DNM3: variants seen among roughly 807,000 people sequenced by gnomAD.
DNM3 encodes the protein dynamin-3.
Under a neutral mutation model 101.6 loss-of-function variants are expected in DNM3, and 47 were observed. The ratio of observed to expected loss-of-function variants is 0.46; its 90% confidence interval spans 0.37 to 0.59. DNM3 has a LOEUF of 0.59. Among genes scored for constraint, DNM3 ranks in the 20% least tolerant of loss-of-function variants. The pLI, the probability that DNM3 is intolerant of heterozygous loss-of-function variation, is 0.00. For missense variants in DNM3, 849 were observed against 1,085.7 expected, an observed-to-expected ratio of 0.78 and a Z score of 3.06; for synonymous variants, 385 against 387.9, an observed-to-expected ratio of 0.99 and a Z score of 0.09.
intron 12 of DNM3, among the ~76,000 whole-genome samples, chr1:172,082,443 C>T (rs529008642): frequency 5.6e-4 from 85 of 151,530 alleles, no homozygotes; most frequent in African/African-American, 1.9e-3. Context: ...ATCATGCAAA[C>T]GTTATGGTTA....
chr1:172,342,890 C>G (rs1202104055), intron 17 of DNM3, among the ~76,000 whole-genome samples: 2 of 151,658 alleles, frequency 1.3e-5, no homozygotes, highest in African/African-American at 4.8e-5. Context: ...TTTTTCTTAC[C>G]TTTTTTGAGG....
chr1:171,945,374 C>T (rs939273299), intron 2 of DNM3, among the ~76,000 whole-genome samples: 4 of 151,998 alleles, frequency 2.6e-5, no homozygotes, highest in African/African-American at 4.8e-5. Flanking sequence ...AACAGTTAAC[C>T]ATTGGAAAAA....
chr1:172,417,513 C>T, downstream of DNM3, among the ~76,000 whole-genome samples: 1 of 152,156 alleles, frequency 6.6e-6, no homozygotes, highest in East Asian at 1.9e-4. Flanking sequence ...AAAGATCCAG[C>T]AGACCAGATT....
intron 10 of DNM3, among the ~76,000 whole-genome samples, chr1:172,067,959 G>T (rs2051826681): frequency 6.6e-6 from 1 of 152,176 alleles, no homozygotes. Context: ...TTGGAATCCT[G>T]AACCAACCAT....
chr1:172,038,815 A>G (rs977672292), intron 7 of DNM3, among the ~76,000 whole-genome samples: 2 of 152,136 alleles, frequency 1.3e-5, no homozygotes, highest in African/African-American at 4.8e-5. Flanking sequence ...AGCTGTTTCT[A>G]TGGATGTCAA....
At chr1:172,115,169 A>T (rs2055800997) in intron 13 of DNM3, among the ~76,000 whole-genome samples, 1 of 152,148 alleles carries the variant, frequency 6.6e-6, no homozygotes, top group Admixed American at 6.5e-5. Flanking sequence ...GGTGCTGGAG[A>T]TAGAAAGGTG....
intron 15 of DNM3, among the ~76,000 whole-genome samples, chr1:172,297,406 C>A (rs1313721636): frequency 6.6e-6 from 1 of 152,064 alleles, no homozygotes; most frequent in Non-Finnish European, 1.5e-5. Flanking sequence ...CATTTCCCCC[C>A]TTAATTAGGA....
At chr1:171,974,820 G>T (rs1353192426) in intron 2 of DNM3, among the ~76,000 whole-genome samples, 1 of 145,262 alleles carries the variant, frequency 6.9e-6, no homozygotes, top group Non-Finnish European at 1.6e-5. Flanking sequence ...GACAACCTTT[G>T]GTTCTTCTTT....
intron 14 of DNM3, chr1:172,144,684 C>G (rs751904243): frequency 6.1e-5 from 31 of 510,608 alleles, no homozygotes; most frequent in South Asian, 4.6e-4. Flanking sequence ...TCAGGAAAAG[C>G]CTCCCTTCCT....
chr1:171,853,961 G>C (rs949751805), intron 1 of DNM3, among the ~76,000 whole-genome samples: 15 of 152,038 alleles, frequency 9.9e-5, no homozygotes, highest in Non-Finnish European at 2.1e-4. Flanking sequence ...CATCTTTTCT[G>C]TGTATGCAAT....
chr1:172,327,106 A>G (rs1242347317), intron 17 of DNM3, among the ~76,000 whole-genome samples: 1 of 152,172 alleles, frequency 6.6e-6, no homozygotes, highest in Non-Finnish European at 1.5e-5. Flanking sequence ...AAAATTTTAT[A>G]CATATTGGAG....
rs193169156 is a variant in DNM3, at chr1:172,069,031, A to G, written c.1422+126A>G. ...GAAAAAAAAATAGTGGAACACAACTACATTATGTTTATTTTTACTTATTTA... is the reference window on the plus strand; with the variant it reads ...GAAAAAAAAATAGTGGAACACAACTGCATTATGTTTATTTTTACTTATTTA... On this transcript the variant is annotated intron_variant, in intron 11 of 20. Transcript: ENST00000627582. 274 of 669,528 alleles carry G rather than the reference A, an allele frequency of 4.1e-4. No individual in the cohort carries two copies. The African/African-American group carries it at 4.4e-3, about 11-fold the overall frequency. 41.5% of individuals were successfully genotyped at this position (669,528 alleles called of 1,614,324 possible).
intron 4 of DNM3, among the ~76,000 whole-genome samples, chr1:172,031,596 G>T (rs1007935843): frequency 8.5e-5 from 13 of 152,080 alleles, no homozygotes; most frequent in African/African-American, 3.1e-4. Context: ...AAATTACTAG[G>T]CAAATACTGT....
chr1:172,207,955 T>TA (rs1167469218), intron 14 of DNM3, among the ~76,000 whole-genome samples: 1 of 152,120 alleles, frequency 6.6e-6, no homozygotes. Context: ...ATTTCTTTTT[T>TA]AAAAAACTGC....
intron 14 of DNM3, among the ~76,000 whole-genome samples, chr1:172,219,933 G>A (rs2060847362): frequency 6.6e-6 from 1 of 152,122 alleles, no homozygotes; most frequent in African/African-American, 2.4e-5. Flanking sequence ...ATACACATGA[G>A]CAGGGAATTT....
chr1:172,053,824 T>C lies in DNM3; in HGVS notation c.1335+5074T>C, dbSNP rs575661999. The stretch of plus-strand genomic sequence containing the variant: ...TTAGGTATACTTTCAATATCTTTTA[T>C]TTAAAAACTGGTCTAATTAAAATAT... On this transcript the variant is annotated intron_variant, in intron 10 of 20. Transcript: ENST00000627582. 2.6e-5 allele frequency among the ~76,000 whole-genome samples: 4 copies of C among 152,312 alleles called. No individual in the cohort carries two copies. In the East Asian group the frequency reaches 7.7e-4, roughly 29 times the overall value.
At chr1:172,288,573 A>T (rs550207183) in intron 15 of DNM3, among the ~76,000 whole-genome samples, 1 of 152,306 alleles carries the variant, frequency 6.6e-6, no homozygotes, top group East Asian at 1.9e-4. Flanking sequence ...TGTAATACAG[A>T]TAAGAGGTGA....
At chr1:172,206,566 A>C (rs1007764898) in intron 14 of DNM3, among the ~76,000 whole-genome samples, 1 of 152,106 alleles carries the variant, frequency 6.6e-6, no homozygotes, top group African/African-American at 2.4e-5. Flanking sequence ...GCATTGAAGA[A>C]CACCACTGCA....
intron 2 of DNM3, among the ~76,000 whole-genome samples, chr1:171,961,617 T>G (rs1371511277): frequency 6.6e-6 from 1 of 152,158 alleles, no homozygotes; most frequent in Non-Finnish European, 1.5e-5. Context: ...CTCAAAAGAT[T>G]GGAAAGCGGG....
Sources: allele counts gnomAD v4.1 joint callset (sites outside exome capture counted in the v4.1 genomes callset), GRCh38; gene constraint gnomAD v4.1.1; transcripts MANE v1.5; gene names NCBI Gene and HGNC (gene_info 2026-07-23, HGNC 2026-07-21).